GRIK4: variants seen among roughly 807,000 people sequenced by gnomAD.
GRIK4 encodes glutamate ionotropic receptor kainate type subunit 4.
In GRIK4, 40 loss-of-function variants were observed where a neutral mutation model predicts 104.9. The observed-to-expected ratio is 0.38, with a 90% confidence interval of 0.30 to 0.50. The LOEUF (loss-of-function observed/expected upper bound fraction) is 0.50. Among genes scored for constraint, GRIK4 ranks in the 20% least tolerant of loss-of-function variants. The pLI is 0.93. For missense variants in GRIK4, 1,047 were observed against 1,308.1 expected (o/e 0.80, Z 3.08); for synonymous variants, 485 against 524.9 (o/e 0.92, Z 1.04).
At chr11:120,634,901 C>T (rs1291488421) in intron 1 of GRIK4, among the ~76,000 whole-genome samples, 2 of 152,134 alleles carry the variant, frequency 1.3e-5, no homozygotes, top group Non-Finnish European at 2.9e-5. Context: ...ACTGAGCATC[C>T]GCCATCTCTA....
chr11:120,876,187 A>G (rs1015237930), intron 11 of GRIK4, among the ~76,000 whole-genome samples: 22 of 148,428 alleles, frequency 1.5e-4, no homozygotes, highest in Non-Finnish European at 2.8e-4. Flanking sequence ...CACCATCATC[A>G]TCACCACTAC....
intron 13 of GRIK4, among the ~76,000 whole-genome samples, chr11:120,913,571 C>T (rs1592073695): frequency 2.0e-5 from 3 of 151,724 alleles, no homozygotes; most frequent in East Asian, 1.9e-4. Context: ...CAAAGTACCC[C>T]GTTGGCATTC....
chr11:120,615,340 A>C, intron 1 of GRIK4, among the ~76,000 whole-genome samples: 1 of 152,214 alleles, frequency 6.6e-6, no homozygotes, highest in East Asian at 1.9e-4. Context: ...TGGGTGGGCT[A>C]CTTCTGTGGG....
At chr11:120,845,940 C>G (rs1170423835) in intron 8 of GRIK4, among the ~76,000 whole-genome samples, 1 of 152,210 alleles carries the variant, frequency 6.6e-6, no homozygotes, top group Non-Finnish European at 1.5e-5. Context: ...AATGCAAACC[C>G]TGAGAGGTGG....
At chr11:120,848,344 T>A (rs1953898818) in intron 8 of GRIK4, among the ~76,000 whole-genome samples, 1 of 152,208 alleles carries the variant, frequency 6.6e-6, no homozygotes, top group South Asian at 2.1e-4. Context: ...CCTCAGTACT[T>A]CTGACTTTCC....
chr11:120,941,597 A>G (rs918620854), intron 14 of GRIK4, among the ~76,000 whole-genome samples: 13 of 152,222 alleles, frequency 8.5e-5, no homozygotes, highest in Admixed American at 7.2e-4. Context: ...AGGTGCAGCC[A>G]TGCTAGATTA....
chr11:120,924,179 C>T (rs1039461122), intron 13 of GRIK4, among the ~76,000 whole-genome samples: 3 of 152,168 alleles, frequency 2.0e-5, no homozygotes, highest in African/African-American at 7.2e-5. Context: ...TCCATGAAAA[C>T]ATCCAGATGT....
chr11:120,921,130 CATTT>C (rs1217658243), intron 13 of GRIK4, among the ~76,000 whole-genome samples: 1 of 152,228 alleles, frequency 6.6e-6, no homozygotes, highest in African/African-American at 2.4e-5. Flanking sequence ...CCCATCCTCT[CATTT>C]AGTCACCTTC....
chr11:120,719,327 G>A (rs111844570), intron 3 of GRIK4, among the ~76,000 whole-genome samples: 17 of 152,316 alleles, frequency 1.1e-4, no homozygotes, highest in African/African-American at 3.6e-4. Flanking sequence ...GCAGGGAACT[G>A]AAGGCAGTGT....
chr11:120,750,579 G>A (rs1951532869), intron 3 of GRIK4, among the ~76,000 whole-genome samples: 1 of 152,044 alleles, frequency 6.6e-6, no homozygotes. Context: ...ATGTTGGCCA[G>A]GCTGGTCTCA....
intron 3 of GRIK4, among the ~76,000 whole-genome samples, chr11:120,744,419 A>G (rs774847699): frequency 6.6e-6 from 1 of 152,176 alleles, no homozygotes; most frequent in Non-Finnish European, 1.5e-5. Context: ...TTGGGGTTTT[A>G]ATTCGTACTA....
At chr11:120,859,568 C>T (rs1460297856) in intron 8 of GRIK4, among the ~76,000 whole-genome samples, 1 of 152,132 alleles carries the variant, frequency 6.6e-6, no homozygotes, top group Non-Finnish European at 1.5e-5. Context: ...ATAAGGAAGC[C>T]AGGGAAGAGG....
At chr11:120,927,730 T>A (rs1943385047) in intron 13 of GRIK4, among the ~76,000 whole-genome samples, 1 of 152,208 alleles carries the variant, frequency 6.6e-6, no homozygotes. Flanking sequence ...ACCAATGGTA[T>A]TAATTTAGTG....
rs914901442 is a variant in GRIK4, at chr11:120,719,607, G to A, written c.82+59207G>A. On this transcript the variant is annotated intron_variant, in intron 3 of 20. Coordinates refer to ENST00000527524, the MANE Select transcript of GRIK4 (RefSeq NM_014619.5). ...GCCTAGTGAGCTGCTCCCACAGATC[G>A]TCACTCCCTTCCCCTGACCCTTCCC... Among the ~76,000 whole-genome samples the A allele has an allele frequency of 6.6e-5, 10 of 152,250 alleles. No individual in the cohort carries two copies. The Middle Eastern group carries it at 0.01, about 155-fold the overall frequency.
chr11:120,659,905 TA>T (rs1949782314), intron 2 of GRIK4, among the ~76,000 whole-genome samples: 2 of 152,226 alleles, frequency 1.3e-5, no homozygotes. Context: ...CTAATTTTTG[TA>T]TTTTTAGTAG....
intron 11 of GRIK4, among the ~76,000 whole-genome samples, chr11:120,881,983 T>C (rs530705601): frequency 6.6e-6 from 1 of 152,246 alleles, no homozygotes; most frequent in East Asian, 1.9e-4. Context: ...AGGCCCTTCC[T>C]CCATTTCAAA....
At chr11:120,737,050 G>A (rs369450587) in intron 3 of GRIK4, among the ~76,000 whole-genome samples, 19 of 152,256 alleles carry the variant, frequency 1.2e-4, no homozygotes, top group East Asian at 1.9e-4. Context: ...AAGGATAGTC[G>A]TTGCAATGGA....
chr11:120,807,385 G>T (rs1383414414), intron 4 of GRIK4, among the ~76,000 whole-genome samples: 2 of 152,138 alleles, frequency 1.3e-5, no homozygotes, highest in African/African-American at 4.8e-5. Flanking sequence ...CCCCTCCCCT[G>T]TGCCTCAGTT....
At chr11:120,916,308 G>A (rs1565436882) in intron 13 of GRIK4, among the ~76,000 whole-genome samples, 2 of 152,310 alleles carry the variant, frequency 1.3e-5, no homozygotes, top group East Asian at 1.9e-4. Flanking sequence ...GATGCGAGCA[G>A]AAGTTATTTT....
Sources: gnomAD v4.1 joint callset for allele counts (sites outside exome capture counted in the v4.1 genomes callset) on GRCh38, gnomAD v4.1.1 for gene constraint, MANE v1.5 for transcripts, NCBI Gene and HGNC (gene_info 2026-07-23, HGNC 2026-07-21) for gene names.